ZNF385D: variants seen among roughly 807,000 people sequenced by gnomAD.
ZNF385D encodes the protein zinc finger protein 659.
A neutral mutation model predicts 35.8 loss-of-function variants in ZNF385D; 15 were observed. That is an observed-to-expected ratio of 0.42 (90% confidence interval 0.28 to 0.64). The LOEUF is 0.64. Ranked by LOEUF, ZNF385D falls within the 30% of genes least tolerant of loss-of-function variation. The probability of loss-of-function intolerance (pLI) is 0.23; values close to 1 mark genes in which losing one functional copy is unlikely to be tolerated. For synonymous variants in ZNF385D, 212 were observed against 186.8 expected, an observed-to-expected ratio of 1.13 and a Z score of -1.10; for missense variants, 474 against 494.6, an observed-to-expected ratio of 0.96 and a Z score of 0.39.
chr3:21,750,999 T>C lies in ZNF385D; in HGVS notation c.-83A>G, dbSNP rs2070048784. The C allele has an allele frequency of 3.7e-6, 6 of 1,610,966 alleles. No homozygotes were observed. The highest frequency in any genetic ancestry group is 5.1e-6 in the Non-Finnish European group (6 of 1,178,860). Reference sequence around the variant, plus strand: ...TGGCACGTAGAGCAGAGCCCTTTCATGCTACATTCGGTGGAAATGTCCCCG... The same window carrying C: ...TGGCACGTAGAGCAGAGCCCTTTCACGCTACATTCGGTGGAAATGTCCCCG... On this transcript the variant is annotated 5_prime_UTR_variant, in exon 1 of 8. It removes an upstream start codon present in the reference 5' UTR. Transcript: ENST00000281523.
chr3:22,238,193 C>A (rs9877955), intron 2 of ZNF385D, among the ~76,000 whole-genome samples: 67,262 of 150,784 alleles, frequency 0.45, 18,622 homozygotes, highest in African/African-American at 0.75. Flanking sequence ...TACCACATTC[C>A]ATTGATTTCT....
rs148520191 is a variant in ZNF385D, at chr3:21,592,740, G to A, written c.166-28056C>T. On this transcript the variant is annotated intron_variant, in intron 2 of 7. Transcript: ENST00000281523. The stretch of plus-strand genomic sequence containing the variant: ...TTAGGAATTTGAATCCCAGCAACAG[G>A]TACATTTCAAGAATAAAACCTATTC... Among the ~76,000 whole-genome samples, 133 of 152,246 alleles carry A rather than the reference G, an allele frequency of 8.7e-4. 1 individual carries two copies. The highest frequency in any genetic ancestry group is 3.1e-3 in the African/African-American group (130 of 41,544).
rs1440166039 is a variant in ZNF385D at position 21,417,855 on chromosome 3, T to A, written c.*3359A>T. 6.6e-6 allele frequency: 1 copy of A among 152,166 alleles called. No individual in the cohort carries two copies. The allele number at this position is 152,166 out of a possible 1,614,324, so 9.4% of individuals were successfully genotyped here. A position where few individuals can be genotyped will look rare whatever the true frequency, so the allele number is the denominator to read the frequency against. ...CATCTCTGATGATAATGGCAGTGAA[T>A]TACTGCGATAGATCAGGAGAAGCCA... On this transcript the variant is annotated 3_prime_UTR_variant, in exon 8 of 8. Transcript: ENST00000281523.
At chr3:21,942,824 C>G (rs1284185564) in intron 3 of ZNF385D, among the ~76,000 whole-genome samples, 1 of 152,148 alleles carries the variant, frequency 6.6e-6, no homozygotes, top group African/African-American at 2.4e-5. Context: ...TAAGACATCC[C>G]TAATCACAGA....
At chr3:21,702,173 T>G (rs1379659124) in intron 1 of ZNF385D, among the ~76,000 whole-genome samples, 1 of 152,226 alleles carries the variant, frequency 6.6e-6, no homozygotes, top group African/African-American at 2.4e-5. Flanking sequence ...CAGCAAACTT[T>G]TGCCTGGGCA....
intron 4 of ZNF385D, among the ~76,000 whole-genome samples, chr3:21,507,911 GT>G (rs951726303): frequency 6.6e-6 from 1 of 152,182 alleles, no homozygotes; most frequent in Non-Finnish European, 1.5e-5. Context: ...CTCATAGAGA[GT>G]TTTGTGTAAA....
At chr3:21,451,222 G>T (rs1228416294) in intron 4 of ZNF385D, among the ~76,000 whole-genome samples, 1 of 151,912 alleles carries the variant, frequency 6.6e-6, no homozygotes, top group African/African-American at 2.4e-5. Flanking sequence ...TATCATCACA[G>T]ATACTCTGTT....
chr3:21,617,295 G>A (rs762827364), intron 2 of ZNF385D, among the ~76,000 whole-genome samples: 1 of 152,192 alleles, frequency 6.6e-6, no homozygotes, highest in Non-Finnish European at 1.5e-5. Flanking sequence ...CAAGAACTCA[G>A]AGTGTAATGT....
chr3:22,201,106 G>A (rs1696768898), intron 2 of ZNF385D, among the ~76,000 whole-genome samples: 2 of 152,104 alleles, frequency 1.3e-5, no homozygotes, highest in African/African-American at 2.4e-5. Flanking sequence ...TATTGATTGG[G>A]GAAGTGATAA....
intron 3 of ZNF385D, among the ~76,000 whole-genome samples, chr3:21,950,191 T>C (rs1161609923): frequency 1.3e-5 from 2 of 151,842 alleles, no homozygotes; most frequent in Non-Finnish European, 2.9e-5. Context: ...AAAGTGTTCC[T>C]GTTTCTCCAC....
intron 2 of ZNF385D, among the ~76,000 whole-genome samples, chr3:21,574,289 GA>G (rs1042567681): frequency 1.3e-5 from 2 of 152,000 alleles, no homozygotes; most frequent in African/African-American, 4.8e-5. Flanking sequence ...ATACACACAA[GA>G]AAAGTCTCTA....
At chr3:21,771,633 T>C (rs759636813) in intron 3 of ZNF385D, among the ~76,000 whole-genome samples, 31 of 150,984 alleles carry the variant, frequency 2.1e-4, no homozygotes, top group Middle Eastern at 3.4e-3. Flanking sequence ...GTGAATAAAA[T>C]AGAGATAGCA....
chr3:22,154,809 G>A (rs1172979540), intron 3 of ZNF385D, among the ~76,000 whole-genome samples: 1 of 152,100 alleles, frequency 6.6e-6, no homozygotes, highest in Non-Finnish European at 1.5e-5. Flanking sequence ...ACTTTATTCT[G>A]TTTTAAATTT....
In ZNF385D at chr3:22,068,335, C is replaced by T. The variant is rs373033221; in HGVS notation, c.325+100482G>A. Among the ~76,000 whole-genome samples the T allele has an allele frequency of 4.6e-5, 7 of 152,236 alleles. No homozygotes were observed. In the South Asian group the frequency reaches 1.5e-3, roughly 32 times the overall value. The stretch of plus-strand genomic sequence containing the variant: ...TCAGTTTTAGTTCCAGCTTAACACT[C>T]TGAGCTACACTTTACCGCCTGTCCC... On this transcript the variant is annotated intron_variant, in intron 3 of 5. Coordinates refer to the ZNF385D transcript ENST00000494108.
chr3:21,864,561 T>C (rs1156493356), intron 3 of ZNF385D, among the ~76,000 whole-genome samples: 1 of 152,034 alleles, frequency 6.6e-6, no homozygotes, highest in Non-Finnish European at 1.5e-5. Context: ...TACCTCACAA[T>C]CTTTGGCACA....
chr3:22,207,387 C>G (rs1388723483), intron 2 of ZNF385D, among the ~76,000 whole-genome samples: 1 of 151,868 alleles, frequency 6.6e-6, no homozygotes, highest in Non-Finnish European at 1.5e-5. Context: ...ACTGGACACG[C>G]ATATGCAGAA....
intron 3 of ZNF385D, among the ~76,000 whole-genome samples, chr3:21,822,143 C>T (rs568433282): frequency 6.6e-6 from 1 of 152,154 alleles, no homozygotes; most frequent in South Asian, 2.1e-4. Context: ...GTGATCTTGG[C>T]TCACTGTAAG....
At chr3:22,091,656 T>G (rs1409696388) in intron 3 of ZNF385D, among the ~76,000 whole-genome samples, 1 of 152,166 alleles carries the variant, frequency 6.6e-6, no homozygotes, top group African/African-American at 2.4e-5. Flanking sequence ...TCTCACCTAT[T>G]TCCTAAGTCA....
At chr3:21,913,338 G>T (rs1700054374) in intron 3 of ZNF385D, among the ~76,000 whole-genome samples, 1 of 152,030 alleles carries the variant, frequency 6.6e-6, no homozygotes, top group Admixed American at 6.6e-5. Context: ...ATTTTCTCAG[G>T]TCGTATATCT....
Sources: gnomAD v4.1 joint callset for allele counts (sites outside exome capture counted in the v4.1 genomes callset) on GRCh38, gnomAD v4.1.1 for gene constraint, MANE v1.5 for transcripts, NCBI Gene and HGNC (gene_info 2026-07-23, HGNC 2026-07-21) for gene names.